Variants in GALNT13 observed in about 807,000 individuals in gnomAD.
The protein encoded by GALNT13 is polypeptide N-acetylgalactosaminyltransferase 13.
GALNT13 carries 28 observed loss-of-function variants against 64.2 expected under a neutral mutation model. The observed-to-expected ratio is 0.44, with a 90% CI of 0.32 to 0.60. The LOEUF is 0.60. Ranked by LOEUF, GALNT13 falls within the 20% of genes least tolerant of loss-of-function variation. GALNT13 has a pLI of 0.05. For missense variants in GALNT13, 577 were observed against 669.8 expected, an observed-to-expected ratio of 0.86 and a Z score of 1.53; for synonymous variants, 214 against 224.6, an observed-to-expected ratio of 0.95 and a Z score of 0.42.
chr2:154,162,108 T>C (rs1684767863), intron 4 of GALNT13, among the ~76,000 whole-genome samples: 1 of 152,192 alleles, frequency 6.6e-6, no homozygotes, highest in East Asian at 1.9e-4. Flanking sequence ...TTTGAAAAAT[T>C]ATATTGTGAT....
chr2:153,404,404 G>A, the GALNT13 span, among the ~76,000 whole-genome samples: 1 of 152,102 alleles, frequency 6.6e-6, no homozygotes, highest in East Asian at 1.9e-4. Context: ...ACTGGCCCTG[G>A]ACTTTTATTA....
At chr2:153,936,956 T>A (rs1006678853) in intron 2 of GALNT13, among the ~76,000 whole-genome samples, 16 of 152,028 alleles carry the variant, frequency 1.1e-4, no homozygotes, top group South Asian at 2.1e-4. Flanking sequence ...TGACCTTGTG[T>A]TCCGCCCACC....
chr2:153,190,102 G>A, the GALNT13 span, among the ~76,000 whole-genome samples: 6 of 151,882 alleles, frequency 4.0e-5, no homozygotes, highest in East Asian at 3.9e-4. Context: ...GTTTAATAAC[G>A]TCCCATTCGT....
chr2:153,218,817 A>T, the GALNT13 span, among the ~76,000 whole-genome samples: 1 of 152,234 alleles, frequency 6.6e-6, no homozygotes, highest in Non-Finnish European at 1.5e-5. Flanking sequence ...CTCCGGCAGC[A>T]TCTGCCCTTG....
At chr2:153,767,452 T>C in the GALNT13 span, among the ~76,000 whole-genome samples, 1 of 152,138 alleles carries the variant, frequency 6.6e-6, no homozygotes, top group East Asian at 1.9e-4. Flanking sequence ...TTCTCTTCTT[T>C]TAGGTGCATA....
At chr2:154,290,309 C>T (rs1280090353) in intron 8 of GALNT13, among the ~76,000 whole-genome samples, 39 of 152,208 alleles carry the variant, frequency 2.6e-4, no homozygotes, top group Admixed American at 2.6e-3. Context: ...GTCCTCCAGT[C>T]TCTCTTTAAT....
At chr2:153,131,203 A>G in the GALNT13 span, among the ~76,000 whole-genome samples, 98 of 152,244 alleles carry the variant, frequency 6.4e-4, no homozygotes, top group African/African-American at 2.1e-3. Context: ...TTCATCAGCT[A>G]CCTCCAAATT....
intron 1 of GALNT13, among the ~76,000 whole-genome samples, chr2:153,878,282 T>G (rs979932755): frequency 6.6e-6 from 1 of 152,144 alleles, no homozygotes; most frequent in African/African-American, 2.4e-5. Context: ...GTACTCATTT[T>G]CCTAATTTCA....
the GALNT13 span, among the ~76,000 whole-genome samples, chr2:153,250,866 G>C: frequency 6.6e-6 from 1 of 151,946 alleles, no homozygotes; most frequent in Non-Finnish European, 1.5e-5. Context: ...TTACACACCA[G>C]GGCCTGTCAT....
At chr2:154,353,976 G>C (rs1443461691) in intron 9 of GALNT13, among the ~76,000 whole-genome samples, 4 of 152,070 alleles carry the variant, frequency 2.6e-5, no homozygotes, top group African/African-American at 9.7e-5. Context: ...ACATATTTAG[G>C]AACCATCATA....
the GALNT13 span, among the ~76,000 whole-genome samples, chr2:153,665,862 C>T: frequency 6.6e-6 from 1 of 152,110 alleles, no homozygotes; most frequent in Admixed American, 6.5e-5. Flanking sequence ...TTGGCAGGAA[C>T]AGGACTCCAG....
intron 4 of GALNT13, among the ~76,000 whole-genome samples, chr2:154,231,163 T>C (rs1688894144): frequency 6.6e-6 from 1 of 152,042 alleles, no homozygotes; most frequent in Non-Finnish European, 1.5e-5. Context: ...CTTAAGCCCC[T>C]ACCCTCCTGG....
intron 8 of GALNT13, among the ~76,000 whole-genome samples, chr2:154,281,325 C>T (rs539787306): frequency 1.6e-4 from 25 of 152,142 alleles, no homozygotes; most frequent in African/African-American, 4.8e-4. Flanking sequence ...ACACAGAGAA[C>T]GGAAGATTTG....
the GALNT13 span, among the ~76,000 whole-genome samples, chr2:153,119,889 C>T: frequency 3.3e-5 from 5 of 152,138 alleles, no homozygotes; most frequent in East Asian, 9.6e-4. Flanking sequence ...TCTGGCTTCC[C>T]TTCCCTACAT....
At chr2:153,317,478 T>C in the GALNT13 span, among the ~76,000 whole-genome samples, 2 of 152,218 alleles carry the variant, frequency 1.3e-5, no homozygotes, top group Admixed American at 1.3e-4. Context: ...TATTTTATGC[T>C]AATGTTGAGG....
chr2:154,108,232 G>A (rs67602171), intron 3 of GALNT13, among the ~76,000 whole-genome samples: 38,843 of 150,716 alleles, frequency 0.26, 6,960 homozygotes, highest in East Asian at 0.82. Context: ...CACCAAGAGC[G>A]TACAAGGGTT....
the GALNT13 span, among the ~76,000 whole-genome samples, chr2:153,214,289 T>A: frequency 6.6e-6 from 1 of 152,052 alleles, no homozygotes; most frequent in African/African-American, 2.4e-5. Context: ...CAATGAAACA[T>A]TTGCCTTGTT....
chr2:153,531,434 T>C, the GALNT13 span, among the ~76,000 whole-genome samples: 13,872 of 152,132 alleles, frequency 0.091, 682 homozygotes, highest in Middle Eastern at 0.16. Flanking sequence ...GTGCTAAACC[T>C]TTAGAAACTG....
chr2:153,185,146 A>T, the GALNT13 span, among the ~76,000 whole-genome samples: 1 of 152,076 alleles, frequency 6.6e-6, no homozygotes, highest in African/African-American at 2.4e-5. Context: ...AGAACTCGTT[A>T]TTGGTCTGTT....
Sources: allele counts gnomAD v4.1 joint callset (sites outside exome capture counted in the v4.1 genomes callset), GRCh38; gene constraint gnomAD v4.1.1; transcripts MANE v1.5; gene names NCBI Gene and HGNC (gene_info 2026-07-23, HGNC 2026-07-21).